The following EML6 variants were observed in gnomAD, a reference collection of about 807,000 sequenced individuals.
EML6 encodes echinoderm microtubule-associated protein-like 6.
EML6 carries 154 observed loss-of-function variants against 240.1 expected under a neutral mutation model. The ratio of observed to expected loss-of-function variants is 0.64; its 90% confidence interval spans 0.56 to 0.73. The LOEUF is 0.73. Among genes scored for constraint, EML6 ranks in the 30% least tolerant of loss-of-function variants. The pLI is 0.00. For missense variants in EML6, 2,964 were observed against 2,474.6 expected (o/e 1.20, Z -4.20); for synonymous variants, 1,148 against 899.0 (o/e 1.28, Z -4.95).
chr2:54,853,186 G>T (rs928984041), intron 10 of EML6, among the ~76,000 whole-genome samples: 1 of 152,018 alleles, frequency 6.6e-6, no homozygotes, highest in Non-Finnish European at 1.5e-5. Flanking sequence ...TTAAAACCTG[G>T]CAAAGCGTTG....
chr2:54,901,180 C>T (rs1573105341), intron 22 of EML6, among the ~76,000 whole-genome samples: 1 of 152,156 alleles, frequency 6.6e-6, no homozygotes, highest in East Asian at 1.9e-4. Flanking sequence ...AACTGAGGCA[C>T]AGGAAGCTTA....
chr2:54,864,826 A>C (rs1352279693), intron 13 of EML6, among the ~76,000 whole-genome samples: 1 of 152,220 alleles, frequency 6.6e-6, no homozygotes, highest in East Asian at 1.9e-4. Flanking sequence ...TAAGCATTAA[A>C]TTGGAATATT....
At position 54,771,483 on chromosome 2, in the gene EML6, A is replaced by T. The variant is rs2103805962; in HGVS notation, c.198-41749A>T. ...CTCAACTGGTCTTCATCAGCTGTTT[A>T]TCACCATATTTCTATTGCTAATTGC... On this transcript the variant is annotated intron_variant, in intron 2 of 41. Transcript: ENST00000356458. Among the ~76,000 whole-genome samples, 3 of 152,384 alleles carry T rather than the reference A, an allele frequency of 2.0e-5. No individual in the cohort carries two copies. In the Middle Eastern group the frequency reaches 0.01, roughly 518 times the overall value.
chr2:54,845,232 C>T (rs931577824), intron 8 of EML6, among the ~76,000 whole-genome samples: 2 of 152,188 alleles, frequency 1.3e-5, no homozygotes, highest in African/African-American at 4.8e-5. Flanking sequence ...ACTAAAACAA[C>T]TGTTGTTCTC....
chr2:54,753,716 A>T (rs1684276432), intron 2 of EML6, among the ~76,000 whole-genome samples: 1 of 144,272 alleles, frequency 6.9e-6, no homozygotes. Context: ...CTCAAACTGG[A>T]GTGCAGTGGT....
chr2:54,861,267 C>T (rs950082651), intron 12 of EML6, among the ~76,000 whole-genome samples: 5 of 152,168 alleles, frequency 3.3e-5, no homozygotes, highest in African/African-American at 7.2e-5. Flanking sequence ...AGTGCCACAC[C>T]TTCTATAGCT....
chr2:54,726,131 A>T (rs1460969996), intron 2 of EML6, among the ~76,000 whole-genome samples: 3 of 152,340 alleles, frequency 2.0e-5, no homozygotes, highest in African/African-American at 7.2e-5. Flanking sequence ...TTCACAGGGA[A>T]TCCTTTTCAG....
At chr2:54,752,453 A>G (rs1462529884) in intron 2 of EML6, among the ~76,000 whole-genome samples, 3 of 152,206 alleles carry the variant, frequency 2.0e-5, no homozygotes, top group African/African-American at 7.2e-5. Flanking sequence ...ACCACTTCCC[A>G]GTCATTATGC....
chr2:54,819,398 A>G (rs960068364), intron 4 of EML6, among the ~76,000 whole-genome samples: 10 of 152,330 alleles, frequency 6.6e-5, no homozygotes, highest in South Asian at 2.1e-4. Context: ...GCTATGGGCA[A>G]TTTGATTCTC....
At chr2:54,805,611 A>C (rs1367717426) in intron 2 of EML6, among the ~76,000 whole-genome samples, 1 of 151,786 alleles carries the variant, frequency 6.6e-6, no homozygotes, top group Non-Finnish European at 1.5e-5. Context: ...TTTTCTTTTC[A>C]TTCTCCTAGT....
At chr2:54,850,346 C>T (rs1316866466) in intron 10 of EML6, 128 bp downstream of exon 10, 2 of 758,192 alleles carry the variant, frequency 2.6e-6, no homozygotes, top group Non-Finnish European at 4.2e-6. Flanking sequence ...TGCCGGAAAG[C>T]ACCCCCACCT....
intron 11 of EML6, among the ~76,000 whole-genome samples, chr2:54,855,696 T>C (rs1332026126): frequency 2.6e-5 from 4 of 152,160 alleles, no homozygotes; most frequent in Non-Finnish European, 4.4e-5. Context: ...CCCACAGACA[T>C]ATCCATGTCC....
intron 24 of EML6, among the ~76,000 whole-genome samples, chr2:54,909,165 G>A (rs1200813599): frequency 6.6e-6 from 1 of 152,120 alleles, no homozygotes; most frequent in South Asian, 2.1e-4. Context: ...TCTAAAATTA[G>A]CCATATTCAA....
At chr2:54,914,429 G>A (rs185243472) in intron 25 of EML6, among the ~76,000 whole-genome samples, 1 of 152,310 alleles carries the variant, frequency 6.6e-6, no homozygotes, top group Non-Finnish European at 1.5e-5. Context: ...AAAATGAAAT[G>A]TAATTTAACC....
intron 17 of EML6, among the ~76,000 whole-genome samples, chr2:54,883,715 TACAC>T (rs1283290448): frequency 2.6e-5 from 4 of 152,178 alleles, no homozygotes; most frequent in African/African-American, 9.7e-5. Flanking sequence ...TGCTTACACA[TACAC>T]ACATGCACAT....
chr2:54,758,913 G>GGGTGGTTCACA (rs1667858042), intron 2 of EML6, among the ~76,000 whole-genome samples: 1 of 151,028 alleles, frequency 6.6e-6, no homozygotes, highest in Non-Finnish European at 1.5e-5. Flanking sequence ...CATAAAATAT[G>GGGTGGTTCACA]GGTGGTTCAT....
intron 16 of EML6, among the ~76,000 whole-genome samples, chr2:54,878,539 G>T (rs1018441912): frequency 6.6e-6 from 1 of 152,084 alleles, no homozygotes; most frequent in Non-Finnish European, 1.5e-5. Context: ...CAAATTAAGT[G>T]TTTTTATTTG....
In EML6 at chr2:54,933,740, A is replaced by G. The variant is rs191852608; in HGVS notation, c.4004+4989A>G. ...GAGTGAGACTCTGCCTCAAAAAGAA[A>G]GAAAAAAAAACCCACTAAAAACCCC... On this transcript the variant is annotated intron_variant, in intron 28 of 41. Transcript: ENST00000356458. Among the ~76,000 whole-genome samples the G allele has an allele frequency of 5.1e-4, 78 of 152,260 alleles. 2 individuals are homozygous for G. The Middle Eastern group carries it at 0.017, about 33-fold the overall frequency.
intron 17 of EML6, among the ~76,000 whole-genome samples, chr2:54,890,149 T>G (rs939074930): frequency 3.9e-5 from 6 of 152,346 alleles, no homozygotes; most frequent in South Asian, 4.1e-4. Flanking sequence ...AATGATAATA[T>G]GATTTTTCTC....
Sources: allele counts gnomAD v4.1 joint callset (sites outside exome capture counted in the v4.1 genomes callset), GRCh38; gene constraint gnomAD v4.1.1; transcripts MANE v1.5; gene names NCBI Gene and HGNC (gene_info 2026-07-23, HGNC 2026-07-21).